The following ZC3H12B variants were observed in gnomAD, a reference collection of about 807,000 sequenced individuals.
ZC3H12B encodes the protein zinc finger CCCH-type containing 12B.
In ZC3H12B, 7 loss-of-function variants were observed where a neutral mutation model predicts 43.9. That is an observed-to-expected ratio of 0.16 (90% CI 0.09 to 0.30). The LOEUF (loss-of-function observed/expected upper bound fraction) is 0.30. Ranked by LOEUF, ZC3H12B falls within the 10% of genes least tolerant of loss-of-function variation. The probability of loss-of-function intolerance (pLI) is 1.00; values close to 1 mark genes in which losing one functional copy is unlikely to be tolerated. For synonymous variants in ZC3H12B, 222 were observed against 241.7 expected (o/e 0.92, Z 0.76); for missense variants, 475 against 670.2 (o/e 0.71, Z 3.22).
chrX:65,155,506 C>T, the ZC3H12B span, among the ~76,000 whole-genome samples: 4 of 110,914 alleles, frequency 3.6e-5, no homozygotes, highest in Non-Finnish European at 7.5e-5. Context: ...GTGGGTTTTC[C>T]TTTGTCATTT....
At chrX:65,143,499 C>T in the ZC3H12B span, among the ~76,000 whole-genome samples, 5 of 108,414 alleles carry the variant, frequency 4.6e-5, no homozygotes, top group African/African-American at 1.7e-4. Context: ...CATTTATTGA[C>T]TTGTGTATGT....
the ZC3H12B span, among the ~76,000 whole-genome samples, chrX:65,306,872 A>G: frequency 8.9e-6 from 1 of 112,507 alleles, no homozygotes; most frequent in Admixed American, 9.4e-5. Context: ...ACATGCCACA[A>G]ATTAGATAAA....
At chrX:65,182,248 G>T in the ZC3H12B span, among the ~76,000 whole-genome samples, 1 of 110,659 alleles carries the variant, frequency 9.0e-6, no homozygotes. Context: ...ACTAGTGCCT[G>T]TTGGGAGGTG....
chrX:65,207,110 A>G, the ZC3H12B span, among the ~76,000 whole-genome samples: 1 of 105,889 alleles, frequency 9.4e-6, no homozygotes, highest in South Asian at 3.9e-4. Context: ...GATTCCTTCA[A>G]GAACTAAAAG....
intron 3 of ZC3H12B, among the ~76,000 whole-genome samples, chrX:65,478,174 C>T (rs1000708013): frequency 5.4e-5 from 6 of 111,448 alleles, no homozygotes; most frequent in African/African-American, 1.6e-4. Context: ...TCAGGTAAGC[C>T]TGACATCTGG....
the ZC3H12B span, among the ~76,000 whole-genome samples, chrX:65,153,057 C>T: frequency 8.9e-6 from 1 of 111,854 alleles, no homozygotes; most frequent in Non-Finnish European, 1.9e-5. Context: ...TGGATCCCTT[C>T]CTTACACCTT....
chrX:65,141,557 G>C, the ZC3H12B span, among the ~76,000 whole-genome samples: 5 of 108,863 alleles, frequency 4.6e-5, no homozygotes, highest in African/African-American at 1.7e-4. Flanking sequence ...TGGGGAACAA[G>C]TGGTGTTTGG....
the ZC3H12B span, among the ~76,000 whole-genome samples, chrX:65,164,982 G>T: frequency 8.9e-6 from 1 of 111,828 alleles, no homozygotes; most frequent in South Asian, 3.7e-4. Flanking sequence ...CAGTTTAGTT[G>T]GGGAGGGAGA....
chrX:65,221,515 A>G, the ZC3H12B span, among the ~76,000 whole-genome samples: 1 of 111,711 alleles, frequency 9.0e-6, no homozygotes, highest in Non-Finnish European at 1.9e-5. Context: ...AGATAATACA[A>G]CCAATATCAC....
chrX:65,293,628 A>C, the ZC3H12B span, among the ~76,000 whole-genome samples: 1 of 110,824 alleles, frequency 9.0e-6, no homozygotes, highest in African/African-American at 3.3e-5. Flanking sequence ...ATGAACAGAA[A>C]AATTTCCCGA....
the ZC3H12B span, among the ~76,000 whole-genome samples, chrX:65,042,081 C>T: frequency 8.9e-5 from 10 of 112,405 alleles, no homozygotes; most frequent in East Asian, 1.9e-3. Flanking sequence ...TGCTTCATGC[C>T]TATCACAGTA....
At chrX:65,253,416 C>T in the ZC3H12B span, among the ~76,000 whole-genome samples, 1 of 112,279 alleles carries the variant, frequency 8.9e-6, no homozygotes, top group Non-Finnish European at 1.9e-5. Context: ...GCAAGGAAAG[C>T]TGCTTAGACA....
the ZC3H12B span, among the ~76,000 whole-genome samples, chrX:65,348,114 G>T: frequency 9.0e-6 from 1 of 111,530 alleles, no homozygotes; most frequent in East Asian, 2.8e-4. Flanking sequence ...ATAGCATTAG[G>T]AGATATACCT....
chrX:65,458,973 A>G (rs1284677870), intron 3 of ZC3H12B, among the ~76,000 whole-genome samples: 1 of 103,065 alleles, frequency 9.7e-6, no homozygotes, highest in African/African-American at 3.6e-5. Context: ...CAAGACTAAT[A>G]AAGAAGAAAA....
the ZC3H12B span, among the ~76,000 whole-genome samples, chrX:65,052,908 G>C: frequency 9.0e-6 from 1 of 111,123 alleles, no homozygotes; most frequent in East Asian, 2.8e-4. Context: ...AGTATATAAG[G>C]GTTCACTTTT....
At chrX:65,095,792 C>T in the ZC3H12B span, among the ~76,000 whole-genome samples, 1 of 111,034 alleles carries the variant, frequency 9.0e-6, no homozygotes, top group South Asian at 3.8e-4. Context: ...TCCTGTTTCA[C>T]CTAAGGGGAG....
chrX:65,309,362 A>T, the ZC3H12B span, among the ~76,000 whole-genome samples: 1 of 112,215 alleles, frequency 8.9e-6, no homozygotes, highest in African/African-American at 3.2e-5. Context: ...AGAATATTAT[A>T]AACACATCTA....
chrX:65,099,262 G>A, the ZC3H12B span, among the ~76,000 whole-genome samples: 1 of 111,874 alleles, frequency 8.9e-6, no homozygotes, highest in Admixed American at 9.4e-5. Context: ...AGCACCTGGG[G>A]GAAGGGGTGG....
chrX:65,394,864 C>T (rs2066675161), intron 2 of ZC3H12B, among the ~76,000 whole-genome samples: 1 of 111,666 alleles, frequency 9.0e-6, no homozygotes, highest in African/African-American at 3.3e-5. Flanking sequence ...TTGTTTGTGT[C>T]CTCTCTTATT....
Sources: allele counts gnomAD v4.1 joint callset (sites outside exome capture counted in the v4.1 genomes callset), GRCh38; gene constraint gnomAD v4.1.1; transcripts MANE v1.5; gene names NCBI Gene and HGNC (gene_info 2026-07-23, HGNC 2026-07-21).